DAB1: variants seen among roughly 807,000 people sequenced by gnomAD.
The protein encoded by DAB1 is disabled homolog 1.
A neutral mutation model predicts 64.6 loss-of-function variants in DAB1; 15 were observed. The ratio of observed to expected loss-of-function variants is 0.23; its 90% CI spans 0.16 to 0.36. DAB1 has a LOEUF of 0.36. Among genes scored for constraint, DAB1 ranks in the 10% least tolerant of loss-of-function variants. The pLI, the probability that DAB1 is intolerant of heterozygous loss-of-function variation, is 1.00. For missense variants in DAB1, 596 were observed against 706.7 expected (o/e 0.84, Z 1.78); for synonymous variants, 235 against 251.9 (o/e 0.93, Z 0.64).
intron 7 of DAB1, among the ~76,000 whole-genome samples, chr1:57,565,524 G>C (rs1030712204): frequency 3.3e-5 from 5 of 152,060 alleles, no homozygotes; most frequent in African/African-American, 1.2e-4. Context: ...GTATTCTGGA[G>C]ACCCATCTCA....
At chr1:57,455,312 C>T (rs1011574268) in intron 7 of DAB1, among the ~76,000 whole-genome samples, 1 of 152,102 alleles carries the variant, frequency 6.6e-6, no homozygotes, top group Non-Finnish European at 1.5e-5. Flanking sequence ...TTAATTTTCA[C>T]AGACCTGAGG....
intron 7 of DAB1, among the ~76,000 whole-genome samples, chr1:57,492,777 TCA>T (rs1644179996): frequency 6.6e-6 from 1 of 152,194 alleles, no homozygotes. Flanking sequence ...CGGGCTCCAG[TCA>T]CAAATGACTT....
At chr1:57,338,922 A>G (rs970529261) in intron 1 of DAB1, among the ~76,000 whole-genome samples, 8 of 152,152 alleles carry the variant, frequency 5.3e-5, no homozygotes, top group South Asian at 2.1e-4. Context: ...TTTAGAAGCT[A>G]TAAGTCCGAA....
intron 5 of DAB1, among the ~76,000 whole-genome samples, chr1:58,012,294 G>A (rs148406715): frequency 6.6e-6 from 1 of 152,208 alleles, no homozygotes; most frequent in African/African-American, 2.4e-5. Context: ...AATCTCAACA[G>A]CTTAACATAA....
intron 1 of DAB1, among the ~76,000 whole-genome samples, chr1:57,852,206 TG>T (rs1653558629): frequency 6.6e-6 from 1 of 152,216 alleles, no homozygotes; most frequent in South Asian, 2.1e-4. Context: ...ATAGGTGTCC[TG>T]CCCTGTTCCC....
At chr1:58,060,516 C>T (rs35616194) in intron 5 of DAB1, among the ~76,000 whole-genome samples, 5,075 of 152,288 alleles carry the variant, frequency 0.033, 107 homozygotes, top group Middle Eastern at 0.048. Flanking sequence ...CTGGTGAAAG[C>T]CACCTCACAG....
At chr1:57,262,716 G>A (rs1670276554) in intron 2 of DAB1, among the ~76,000 whole-genome samples, 1 of 152,194 alleles carries the variant, frequency 6.6e-6, no homozygotes, top group South Asian at 2.1e-4. Context: ...CCCATAAAGT[G>A]AAATGTGATC....
chr1:58,241,825 G>A (rs1321296714), intron 4 of DAB1, among the ~76,000 whole-genome samples: 2 of 152,052 alleles, frequency 1.3e-5, no homozygotes, highest in Non-Finnish European at 2.9e-5. Flanking sequence ...AATACATGTT[G>A]CTGGCAAGGA....
intron 7 of DAB1, among the ~76,000 whole-genome samples, chr1:57,562,832 T>G (rs1402587799): frequency 6.6e-6 from 1 of 152,170 alleles, no homozygotes; most frequent in East Asian, 1.9e-4. Context: ...TTTGGACACT[T>G]TGGGCTCCTC....
intron 1 of DAB1, among the ~76,000 whole-genome samples, chr1:58,530,913 A>G (rs914600727): frequency 6.6e-6 from 1 of 152,080 alleles, no homozygotes; most frequent in Non-Finnish European, 1.5e-5. Flanking sequence ...ATCTACTTAT[A>G]TACCTATTCA....
chr1:58,506,034 T>C, intron 3 of DAB1: 1 of 829,766 alleles, frequency 1.2e-6, no homozygotes, highest in Non-Finnish European at 2.1e-6. Context: ...AAAAATAATG[T>C]CCCGCCTTCT....
intron 7 of DAB1, among the ~76,000 whole-genome samples, chr1:57,552,052 C>A (rs1644920310): frequency 6.6e-6 from 1 of 152,106 alleles, no homozygotes; most frequent in African/African-American, 2.4e-5. Flanking sequence ...CCTAGGCATC[C>A]CCCGTTTTCC....
At chr1:57,950,672 TCCCTCTGCCTGGAATA>T (rs1645259444) in intron 5 of DAB1, among the ~76,000 whole-genome samples, 1 of 152,192 alleles carries the variant, frequency 6.6e-6, no homozygotes. Flanking sequence ...CATATTCTAT[TCCCTCTGCCTGGAATA>T]CCCTCTCTGT....
intron 2 of DAB1, among the ~76,000 whole-genome samples, chr1:58,513,125 G>T (rs1646107353): frequency 6.6e-6 from 1 of 152,112 alleles, no homozygotes; most frequent in Non-Finnish European, 1.5e-5. Context: ...GGACTTGGTA[G>T]GAGGTGACTG....
intron 6 of DAB1, among the ~76,000 whole-genome samples, chr1:57,735,832 G>C (rs1269490082): frequency 6.6e-6 from 1 of 151,962 alleles, no homozygotes. Context: ...AAAAAATGTG[G>C]CTTCTTAATC....
chr1:57,063,631 T>G (rs1650625062), intron 8 of DAB1, among the ~76,000 whole-genome samples: 2 of 152,206 alleles, frequency 1.3e-5, no homozygotes, highest in African/African-American at 4.8e-5. Flanking sequence ...AGCTCTGAGC[T>G]TCACTACTAT....
At chr1:58,381,529 T>C (rs1011361954) in intron 3 of DAB1, among the ~76,000 whole-genome samples, 2 of 152,198 alleles carry the variant, frequency 1.3e-5, no homozygotes, top group African/African-American at 2.4e-5. Context: ...TTGGGACCTA[T>C]TGTAAACAGT....
In DAB1 at chr1:58,409,290, G is replaced by A. The variant is rs886619477; in HGVS notation, n.258-65887C>T. On this transcript the variant is annotated intron_variant and non_coding_transcript_variant, in intron 3 of 20. Transcript: ENST00000485760. ...ATCATAATCCCCTTTGCACAGATGA[G>A]AAAATTGAACCTCATACAGGTGAAG... Among the ~76,000 whole-genome samples the A allele has an allele frequency of 1.7e-4, 26 of 152,186 alleles. 1 individual carries two copies. Among genetic ancestry groups the A allele is most frequent in the Admixed American group, 1.7e-3 (26 of 15,282 alleles).
chr1:57,191,607 C>T (rs539042362), intron 2 of DAB1, among the ~76,000 whole-genome samples: 36 of 152,286 alleles, frequency 2.4e-4, no homozygotes, highest in African/African-American at 8.7e-4. Context: ...TTCTACAACT[C>T]ATCCTTCAAT....
Sources: gnomAD v4.1 joint callset for allele counts (sites outside exome capture counted in the v4.1 genomes callset) on GRCh38, gnomAD v4.1.1 for gene constraint, MANE v1.5 for transcripts, NCBI Gene and HGNC (gene_info 2026-07-23, HGNC 2026-07-21) for gene names.